Variants in CFAP44 observed in about 807,000 individuals in gnomAD.
CFAP44 encodes the protein cilia- and flagella-associated protein 44.
In CFAP44, 134 loss-of-function variants were observed where a neutral mutation model predicts 216.2. The observed-to-expected ratio is 0.62, with a 90% CI of 0.54 to 0.72. The LOEUF is 0.72. Ranked by LOEUF, CFAP44 falls within the 30% of genes least tolerant of loss-of-function variation. The pLI is 0.00. For synonymous variants in CFAP44, 700 were observed against 727.6 expected, an observed-to-expected ratio of 0.96 and a Z score of 0.61; for missense variants, 2,035 against 2,182.1, an observed-to-expected ratio of 0.93 and a Z score of 1.34.
At chr3:113,423,211 C>G (rs2107398379) in intron 4 of CFAP44, among the ~76,000 whole-genome samples, 1 of 147,430 alleles carries the variant, frequency 6.8e-6, no homozygotes, top group African/African-American at 2.5e-5. Flanking sequence ...ACTTCCCAGG[C>G]TCAAGAGATT....
At chr3:113,312,251 T>C (rs1388501814) in intron 28 of CFAP44, among the ~76,000 whole-genome samples, 1 of 149,386 alleles carries the variant, frequency 6.7e-6, no homozygotes, top group Admixed American at 6.6e-5. Flanking sequence ...TTTTTTTTTT[T>C]TTTTTGTATT....
intron 15 of CFAP44, among the ~76,000 whole-genome samples, chr3:113,395,435 G>A (rs1170016125): frequency 6.6e-6 from 1 of 152,120 alleles, no homozygotes; most frequent in South Asian, 2.1e-4. Flanking sequence ...AAAGCATTTC[G>A]ACATGCTGTG....
rs749225113 is a variant in CFAP44, at chr3:113,426,123, C to A, written c.407+1G>T. ...TATACATATTTAGCCAGGGTGGATA[C>A]ACAAGTGTGAGAAGATCCAGTGGTA... On this transcript the variant is annotated splice_donor_variant, in intron 4 of 34. Transcript: ENST00000393845. LOFTEE classifies it high-confidence loss of function. 1.9e-6 allele frequency: 3 copies of A among 1,613,650 alleles called. No homozygotes were observed. In the South Asian group the frequency reaches 3.3e-5, roughly 18 times the overall value.
intron 13 of CFAP44, chr3:113,397,468 T>C (rs963573916): frequency 6.6e-6 from 1 of 152,202 alleles, no homozygotes; most frequent in African/African-American, 2.4e-5. Context: ...GTGTTTTTAG[T>C]TGGGTTCCAG....
intron 22 of CFAP44, among the ~76,000 whole-genome samples, chr3:113,350,735 A>G (rs188601632): frequency 2.4e-3 from 362 of 152,342 alleles, no homozygotes; most frequent in African/African-American, 8.2e-3. Flanking sequence ...AGAAAGTGGG[A>G]AAATAACTTT....
chr3:113,356,982 C>T (rs865873563), intron 22 of CFAP44, among the ~76,000 whole-genome samples: 16 of 152,052 alleles, frequency 1.1e-4, no homozygotes, highest in African/African-American at 2.2e-4. Flanking sequence ...CCAAAAATAA[C>T]TCATGTATAT....
intron 15 of CFAP44, among the ~76,000 whole-genome samples, chr3:113,383,035 A>G (rs1473333029): frequency 6.6e-6 from 1 of 152,226 alleles, no homozygotes; most frequent in African/African-American, 2.4e-5. Flanking sequence ...TTGACATATA[A>G]CTATCTCCAG....
intron 22 of CFAP44, among the ~76,000 whole-genome samples, chr3:113,345,886 T>G (rs1347775587): frequency 6.6e-6 from 1 of 152,234 alleles, no homozygotes; most frequent in Non-Finnish European, 1.5e-5. Flanking sequence ...TTAAAATGAT[T>G]TACTATTTCT....
intron 2 of CFAP44, chr3:113,429,145 TACA>T (rs1459212936): frequency 6.6e-6 from 1 of 152,184 alleles, no homozygotes; most frequent in African/African-American, 2.4e-5. Flanking sequence ...GGTTACTGCA[TACA>T]ACAACAATAT....
chr3:113,410,061 A>G (rs766666769), intron 6 of CFAP44, among the ~76,000 whole-genome samples: 5 of 152,200 alleles, frequency 3.3e-5, no homozygotes, highest in Non-Finnish European at 4.4e-5. Flanking sequence ...AAGAATAACT[A>G]TGAGTATTCT....
chr3:113,335,457 C>T (rs1950273998), intron 24 of CFAP44, among the ~76,000 whole-genome samples: 1 of 152,190 alleles, frequency 6.6e-6, no homozygotes, highest in South Asian at 2.1e-4. Flanking sequence ...TTCTGGAAAT[C>T]TACATAGCGC....
intron 22 of CFAP44, among the ~76,000 whole-genome samples, chr3:113,345,949 C>T (rs1950377425): frequency 6.6e-6 from 1 of 152,112 alleles, no homozygotes; most frequent in Non-Finnish European, 1.5e-5. Flanking sequence ...CTCTTTAAGA[C>T]TTATTTCCTT....
chr3:113,337,259 A>G (rs1386475322), intron 24 of CFAP44, among the ~76,000 whole-genome samples: 3 of 152,174 alleles, frequency 2.0e-5, no homozygotes, highest in Non-Finnish European at 4.4e-5. Context: ...AAACATGTAT[A>G]GAACTTTTTA....
chr3:113,314,353 A>G (rs1467395537), intron 28 of CFAP44, among the ~76,000 whole-genome samples: 1 of 152,230 alleles, frequency 6.6e-6, no homozygotes, highest in Admixed American at 6.5e-5. Context: ...GAAACCATGG[A>G]AGCCGAAAGG....
At chr3:113,380,769 A>T in intron 16 of CFAP44, 130 bp downstream of exon 16, 5 of 742,436 alleles carry the variant, frequency 6.7e-6, no homozygotes, top group Non-Finnish European at 7.7e-6. Context: ...TTCCTACCAG[A>T]TTATAAACTC....
At chr3:113,410,212 C>G (rs1934418802) in intron 6 of CFAP44, among the ~76,000 whole-genome samples, 1 of 152,028 alleles carries the variant, frequency 6.6e-6, no homozygotes, top group South Asian at 2.1e-4. Context: ...AGGTTTGTTA[C>G]ATATGTATAC....
chr3:113,436,343 A>G (rs1935241524), intron 1 of CFAP44, among the ~76,000 whole-genome samples: 1 of 152,118 alleles, frequency 6.6e-6, no homozygotes, highest in Admixed American at 6.5e-5. Flanking sequence ...CACACACCTA[A>G]ATATTATTTT....
chr3:113,358,342 C>A (rs990264216), intron 22 of CFAP44, among the ~76,000 whole-genome samples: 10 of 151,786 alleles, frequency 6.6e-5, no homozygotes, highest in Admixed American at 6.6e-4. Flanking sequence ...AAAACATTCC[C>A]CTGGAAGTCA....
chr3:113,393,221 T>C (rs1933892865), intron 15 of CFAP44, among the ~76,000 whole-genome samples: 1 of 152,232 alleles, frequency 6.6e-6, no homozygotes, highest in South Asian at 2.1e-4. Flanking sequence ...CTTTTTACTT[T>C]AGTAATTTGC....
Sources: gnomAD v4.1 joint callset for allele counts (sites outside exome capture counted in the v4.1 genomes callset) on GRCh38, gnomAD v4.1.1 for gene constraint, MANE v1.5 for transcripts, NCBI Gene and HGNC (gene_info 2026-07-23, HGNC 2026-07-21) for gene names.